The following METTL9 variants were observed in gnomAD, a reference collection of about 807,000 sequenced individuals.
METTL9 encodes the protein protein-L-histidine N-pros-methyltransferase.
In METTL9, 10 loss-of-function variants were observed where a neutral mutation model predicts 36.0. The observed-to-expected ratio is 0.28, with a 90% CI of 0.17 to 0.47. The LOEUF (loss-of-function observed/expected upper bound fraction) is 0.47. Among genes scored for constraint, METTL9 ranks in the 20% least tolerant of loss-of-function variants. METTL9 has a pLI of 0.99. For missense variants in METTL9, 246 were observed against 383.5 expected (o/e 0.64, Z 3.00); for synonymous variants, 175 against 149.7 (o/e 1.17, Z -1.23).
In METTL9 at chr16:21,613,168, C is replaced by CTTTTTTTTTT. The variant is rs57388340; in HGVS notation, c.356+360_356+369dup. On this transcript the variant is annotated intron_variant, in intron 2 of 4. Transcript: ENST00000358154. ...ATCAGGGGCTAGGTCTGAGAGTCTG[C>CTTTTTTTTTT]TTTTTTTTTTTTTTTTTTTTTTTTT... Among the ~76,000 whole-genome samples, 23 of 91,414 alleles carry CTTTTTTTTTT rather than the reference C, an allele frequency of 2.5e-4. 3 individuals are homozygous for CTTTTTTTTTT. Among genetic ancestry groups the CTTTTTTTTTT allele is most frequent in the African/African-American group, 8.1e-4 (15 of 18,518 alleles). The allele number at this position is 91,414 out of a possible 152,430, so 60.0% of individuals were successfully genotyped here. A position where few individuals can be genotyped will look rare whatever the true frequency, so the allele number is the denominator to read the frequency against.
Position 21,655,606 on chromosome 16 carries a change from GTT to G in METTL9, c.*178_*179del. 1.7e-6 allele frequency: 1 copy of G among 588,878 alleles called. No homozygotes were observed. The highest frequency in any genetic ancestry group is 2.9e-6 in the Non-Finnish European group (1 of 349,006). 36.5% of individuals were successfully genotyped at this position (588,878 alleles called of 1,614,324 possible). On this transcript the variant is annotated 3_prime_UTR_variant, in exon 5 of 5. Coordinates refer to ENST00000358154, the MANE Select transcript of METTL9 (RefSeq NM_016025.5). ...ATTTCTTTGTAGTGTGTAAAGGAAT[GTT>G]TTTAAAAGACAAAAACCCAACTCTT...
In METTL9 at chr16:21,622,141, CTTTTT is replaced by C. The variant is rs541282506; in HGVS notation, c.567-2773_567-2769del. On this transcript the variant is annotated intron_variant, in intron 3 of 4. Coordinates refer to ENST00000358154, the MANE Select transcript of METTL9 (RefSeq NM_016025.5). ...ATAGGTGTGAGCCACCATGCCTGGC[CTTTTT>C]TTTTTTTTTTTTTTTTGAGACAGGA... Among the ~76,000 whole-genome samples, 57 of 34,926 alleles carry C rather than the reference CTTTTT, an allele frequency of 1.6e-3. 1 individual carries two copies. Among genetic ancestry groups the C allele is most frequent in the Non-Finnish European group, 1.7e-3 (36 of 21,794 alleles). 22.9% of individuals were successfully genotyped at this position (34,926 alleles called of 152,430 possible).
At chr16:21,615,225 TG>T (rs1448371473) in intron 2 of METTL9, among the ~76,000 whole-genome samples, 1 of 152,146 alleles carries the variant, frequency 6.6e-6, no homozygotes, top group Non-Finnish European at 1.5e-5. Flanking sequence ...CTTTCTCTAG[TG>T]CCTTCTTTCT....
intron 1 of METTL9, among the ~76,000 whole-genome samples, chr16:21,604,205 A>C (rs139776323): frequency 1.3e-5 from 2 of 152,276 alleles, no homozygotes; most frequent in African/African-American, 4.8e-5. Context: ...TACCAAAGAG[A>C]CTTCAGAAAG....
chr16:21,619,482 G>A (rs767833244), intron 3 of METTL9, among the ~76,000 whole-genome samples: 3 of 150,884 alleles, frequency 2.0e-5, no homozygotes, highest in African/African-American at 4.9e-5. Context: ...GTGCGGTGGC[G>A]TGATCTCAGC....
At chr16:21,611,745 G>A (rs1965430344) in intron 1 of METTL9, among the ~76,000 whole-genome samples, 1 of 152,182 alleles carries the variant, frequency 6.6e-6, no homozygotes, top group Non-Finnish European at 1.5e-5. Context: ...ATTTGTCTGA[G>A]CTCACATAGG....
chr16:21,643,659 A>T (rs904346881), intron 4 of METTL9: 1 of 1,072,362 alleles, frequency 9.3e-7, no homozygotes, highest in Admixed American at 2.0e-5. Context: ...ATGGTGGCAG[A>T]TATCTCATGC....
intron 3 of METTL9, among the ~76,000 whole-genome samples, chr16:21,619,942 T>G (rs1041895519): frequency 3.3e-5 from 5 of 152,174 alleles, no homozygotes; most frequent in Non-Finnish European, 5.9e-5. Context: ...AGATTAATCC[T>G]AGAGATAGAG....
intron 4 of METTL9, among the ~76,000 whole-genome samples, chr16:21,651,669 CT>C (rs1175217295): frequency 3.3e-5 from 5 of 152,124 alleles, no homozygotes; most frequent in African/African-American, 1.2e-4. Context: ...AGTCAACCCC[CT>C]GCCATCACAT....
At chr16:21,654,835 G>T in intron 4 of METTL9, 1 of 180,828 alleles carries the variant, frequency 5.5e-6, no homozygotes, top group Non-Finnish European at 1.2e-5. Flanking sequence ...GATATTACAT[G>T]TTGCTCTCTG....
Position 21,633,100 on chromosome 16 carries a change from G to C in METTL9, c.751+7985G>C, listed in dbSNP as rs142476711. Among the ~76,000 whole-genome samples, 434 of 152,228 alleles carry C rather than the reference G, an allele frequency of 2.9e-3. 3 individuals carry two copies. The highest frequency in any genetic ancestry group is 9.3e-3 in the African/African-American group (385 of 41,524). ...GGATCCATAGTCAGCAAAAGCCCGT[G>C]ATTCCAAGGAACCCCCGCAACTGTT... On this transcript the variant is annotated intron_variant, in intron 4 of 4. Transcript: ENST00000358154.
At chr16:21,602,892 C>G (rs1484350516) in intron 1 of METTL9, among the ~76,000 whole-genome samples, 1 of 152,132 alleles carries the variant, frequency 6.6e-6, no homozygotes, top group Non-Finnish European at 1.5e-5. Context: ...CTCCTGACCT[C>G]AAGTGATCCT....
chr16:21,649,284 C>T (rs1314535543), intron 4 of METTL9, among the ~76,000 whole-genome samples: 2 of 152,152 alleles, frequency 1.3e-5, no homozygotes, highest in East Asian at 1.9e-4. Flanking sequence ...TGAGCCACTG[C>T]GCCTTGCTCT....
intron 3 of METTL9, among the ~76,000 whole-genome samples, chr16:21,622,641 G>A (rs1965733145): frequency 1.3e-5 from 2 of 152,166 alleles, no homozygotes; most frequent in African/African-American, 4.8e-5. Flanking sequence ...TTCATCAGTG[G>A]AACTGAGTGA....
chr16:21,612,855 T>C lies in METTL9; in HGVS notation c.356+20T>C, dbSNP rs375390959. ...CAATGGGTAAGTGAATCTTGGACAT[T>C]TATTTTTTTCTTTATCCTTAGGTTT... On this transcript the variant is annotated intron_variant, in intron 2 of 4. Transcript: ENST00000358154. 34 of 1,550,794 alleles carry C rather than the reference T, an allele frequency of 2.2e-5. No homozygotes were observed. The highest frequency in any genetic ancestry group is 2.4e-5 in the Non-Finnish European group (28 of 1,152,194).
intron 1 of METTL9, among the ~76,000 whole-genome samples, chr16:21,608,572 T>C (rs747636287): frequency 1.3e-5 from 2 of 152,050 alleles, no homozygotes; most frequent in Non-Finnish European, 2.9e-5. Flanking sequence ...GGTAAGGCCA[T>C]GTATGGGTTC....
rs575124958 is a variant in METTL9 at position 21,599,599 on chromosome 16, C to T, written c.-135C>T. 4.1e-4 allele frequency: 540 copies of T among 1,316,660 alleles called. No individual in the cohort carries two copies. The highest frequency in any genetic ancestry group is 4.8e-4 in the Non-Finnish European group (498 of 1,039,882). The allele number at this position is 1,316,660 out of a possible 1,614,324, so 81.6% of individuals were successfully genotyped here. Reference sequence around the variant, plus strand: ...CTCCTCCCCACCCCCAGCCTTTGCCCTGAAGGGGGCTGGATGGGCAAGGCG... The same window carrying T: ...CTCCTCCCCACCCCCAGCCTTTGCCTTGAAGGGGGCTGGATGGGCAAGGCG... On this transcript the variant is annotated 5_prime_UTR_variant, in exon 1 of 5. Coordinates refer to ENST00000358154, the MANE Select transcript of METTL9 (RefSeq NM_016025.5). The surrounding 1 kb of genome is among the most constrained non-coding windows in gnomAD (Gnocchi z 4.4).
intron 1 of METTL9, among the ~76,000 whole-genome samples, chr16:21,601,061 T>TGTA (rs1965112428): frequency 6.6e-6 from 1 of 152,184 alleles, no homozygotes; most frequent in Admixed American, 6.5e-5. Context: ...TTTAGTAATA[T>TGTA]GTATATTGGG....
At chr16:21,597,261 T>C, upstream of METTL9, 2 of 1,289,026 alleles carry the variant, frequency 1.6e-6, no homozygotes, top group Non-Finnish European at 1.0e-6. Context: ...CTTAGATGGA[T>C]CGAAAGACCA....
Sources: allele counts gnomAD v4.1 joint callset (sites outside exome capture counted in the v4.1 genomes callset), GRCh38; gene constraint gnomAD v4.1.1; non-coding constraint Gnocchi (gnomAD v3.1); transcripts MANE v1.5; gene names NCBI Gene and HGNC (gene_info 2026-07-23, HGNC 2026-07-21).